The following NIPBL variants were observed in gnomAD, a reference collection of about 807,000 sequenced individuals.
NIPBL encodes the protein nipped-B-like protein.
In NIPBL, 19 loss-of-function variants were observed where a neutral mutation model predicts 321.8. That is an observed-to-expected ratio of 0.06 (90% CI 0.04 to 0.09). The LOEUF is 0.09. Among genes scored for constraint, NIPBL ranks in the 10% least tolerant of loss-of-function variants. NIPBL has a pLI of 1.00. For missense variants in NIPBL, 2,210 were observed against 3,327.0 expected (o/e 0.66, Z 8.26); for synonymous variants, 1,106 against 1,114.1 (o/e 0.99, Z 0.14).
chr5:36,958,265 A>G, intron 4 of NIPBL, 34 bp downstream of exon 4: 1 of 1,608,732 alleles, frequency 6.2e-7, no homozygotes, highest in Non-Finnish European at 8.5e-7. Flanking sequence ...CCCATATCAA[A>G]CTTGTTTTAT....
intron 8 of NIPBL, among the ~76,000 whole-genome samples, chr5:36,973,720 C>T (rs1413020382): frequency 7.9e-5 from 12 of 152,258 alleles, no homozygotes; most frequent in South Asian, 2.1e-4. Context: ...CTGCCCGCCT[C>T]GGCCTCCCAA....
rs62356411 is a variant in NIPBL, at chr5:36,953,975, C to T, written c.64+215C>T. Among the ~76,000 whole-genome samples the T allele has an allele frequency of 0.011, 1,684 of 152,140 alleles. 20 individuals carry two copies. Among genetic ancestry groups the T allele is most frequent in the Non-Finnish European group, 0.017 (1,179 of 67,980 alleles). On this transcript the variant is annotated intron_variant, in intron 2 of 46. Coordinates refer to ENST00000282516, the MANE Select transcript of NIPBL (RefSeq NM_133433.4). ...TGTCATGTTCAGTAATCTGTTGGAG[C>T]TTGTTGGAGGTATCAGCAGCCTATT...
rs540239895 is a variant in NIPBL at position 36,916,023 on chromosome 5, G to A, written c.-79-37595G>A. On this transcript the variant is annotated intron_variant, in intron 1 of 46. Transcript: ENST00000282516. ...TATCTTCAGTGGAAAAAGATATGAG[G>A]AACAACATCACTCATTGGAAATGAA... Among the ~76,000 whole-genome samples, 8 of 152,286 alleles carry A rather than the reference G, an allele frequency of 5.3e-5. 1 individual carries two copies. In the South Asian group the frequency reaches 1.7e-3, roughly 32 times the overall value.
At chr5:36,877,222 G>A (rs1430248037) in intron 1 of NIPBL, 44 bp downstream of exon 1, 4 of 191,724 alleles carry the variant, frequency 2.1e-5, no homozygotes, top group Admixed American at 6.1e-5. Flanking sequence ...CGGCGGCGCC[G>A]GCGCCAGGTC....
intron 11 of NIPBL, among the ~76,000 whole-genome samples, chr5:36,998,835 G>C (rs757358463): frequency 6.6e-6 from 1 of 152,076 alleles, no homozygotes; most frequent in Non-Finnish European, 1.5e-5. Flanking sequence ...CTAAAGGAAT[G>C]TACTAGAGCA....
intron 1 of NIPBL, among the ~76,000 whole-genome samples, chr5:36,932,777 T>TC: frequency 7.4e-6 from 1 of 135,152 alleles, no homozygotes; most frequent in Non-Finnish European, 1.6e-5. Flanking sequence ...ATTCCTCTGC[T>TC]GTTTTTTTTT....
intron 16 of NIPBL, among the ~76,000 whole-genome samples, chr5:37,005,099 C>T (rs1321316797): frequency 3.9e-5 from 6 of 152,124 alleles, no homozygotes; most frequent in South Asian, 2.1e-4. Context: ...CGCTCATCAG[C>T]TATCGTAATT....
intron 2 of NIPBL, among the ~76,000 whole-genome samples, chr5:36,954,155 T>C (rs1740695089): frequency 2.6e-5 from 4 of 152,214 alleles, no homozygotes; most frequent in African/African-American, 4.8e-5. Context: ...CCTACAATTT[T>C]AGTTACTGTG....
intron 21 of NIPBL, among the ~76,000 whole-genome samples, chr5:37,012,996 GGGT>G (rs1397896695): frequency 6.6e-6 from 1 of 152,338 alleles, no homozygotes; most frequent in Non-Finnish European, 1.5e-5. Flanking sequence ...TTCCCAGACG[GGGT>G]GGTGGCCGGG....
At chr5:36,953,815 T>A in intron 2 of NIPBL, 55 bp downstream of exon 2, 1 of 1,376,672 alleles carries the variant, frequency 7.3e-7, no homozygotes, top group South Asian at 1.2e-5. Flanking sequence ...ACAATAATTT[T>A]TACAGTGACT....
At chr5:37,056,988 T>C (rs183516506) in intron 42 of NIPBL, among the ~76,000 whole-genome samples, 198 bp from the exon 43 acceptor site, 22 of 152,002 alleles carry the variant, frequency 1.4e-4, no homozygotes, top group African/African-American at 4.6e-4. Context: ...CTTTCCCTTT[T>C]TCCCCCCTCT....
chr5:36,895,314 G>T (rs942668022), intron 1 of NIPBL, among the ~76,000 whole-genome samples: 3 of 152,028 alleles, frequency 2.0e-5, no homozygotes, highest in Non-Finnish European at 4.4e-5. Flanking sequence ...TTTCTTTTTA[G>T]GACTGAATAT....
chr5:36,984,582 A>G (rs1744525448), intron 9 of NIPBL, 94 bp from the exon 10 acceptor site: 1 of 1,162,764 alleles, frequency 8.6e-7, no homozygotes, highest in Non-Finnish European at 1.2e-6. Context: ...TTTTAAAAAC[A>G]TAACCTTAAA....
intron 6 of NIPBL, among the ~76,000 whole-genome samples, chr5:36,966,338 G>T (rs1742202762): frequency 6.6e-6 from 1 of 152,056 alleles, no homozygotes; most frequent in Admixed American, 6.5e-5. Context: ...TTCTGCTGGT[G>T]TTGTTTAATT....
intron 1 of NIPBL, among the ~76,000 whole-genome samples, chr5:36,935,866 T>G (rs1738360439): frequency 6.6e-6 from 1 of 152,006 alleles, no homozygotes; most frequent in Admixed American, 6.6e-5. Context: ...AAAACCCCAG[T>G]CTCTGACTCT....
chr5:37,060,747 A>G, intron 44 of NIPBL, 97 bp from the exon 45 acceptor site: 1 of 1,031,628 alleles, frequency 9.7e-7, no homozygotes. Context: ...ATGAGAAACT[A>G]ATTTCATTAA....
At chr5:36,915,969 A>T (rs913116455) in intron 1 of NIPBL, among the ~76,000 whole-genome samples, 1 of 152,246 alleles carries the variant, frequency 6.6e-6, no homozygotes, top group Non-Finnish European at 1.5e-5. Flanking sequence ...AAGGAAATAC[A>T]TCTGAAGTCC....
chr5:36,961,399 T>C (rs767295169), intron 4 of NIPBL, 85 bp from the exon 5 acceptor site: 44 of 858,122 alleles, frequency 5.1e-5, no homozygotes, highest in Non-Finnish European at 8.8e-5. Context: ...TCTGGAATGT[T>C]TGAAAGAATA....
chr5:36,989,363 T>C lies in NIPBL; in HGVS notation c.3121+3062T>C, dbSNP rs182143883. ...TTCCCTATCTTTCCATCACCATGTT[T>C]ATTCCTTGCCTGGGAGGGGTGGAGG... is the stretch of plus-strand genomic sequence containing the variant. On this transcript the variant is annotated intron_variant, in intron 10 of 46. Transcript: ENST00000282516. 1.0e-3 allele frequency among the ~76,000 whole-genome samples: 152 copies of C among 152,298 alleles called. 1 individual carries two copies. Among genetic ancestry groups the C allele is most frequent in the East Asian group, 2.3e-3 (12 of 5,188 alleles).
Sources: allele counts gnomAD v4.1 joint callset (sites outside exome capture counted in the v4.1 genomes callset), GRCh38; gene constraint gnomAD v4.1.1; transcripts MANE v1.5; gene names NCBI Gene and HGNC (gene_info 2026-07-23, HGNC 2026-07-21).